B3GALT1: variants seen among roughly 807,000 people sequenced by gnomAD.
The protein encoded by B3GALT1 is beta-1,3-galactosyltransferase 1, also known as UDP-Gal:betaGlcNAc beta 1,3-galactosyltransferase, polypeptide 1.
B3GALT1 carries 10 observed loss-of-function variants against 23.2 expected under a neutral mutation model. The observed-to-expected ratio is 0.43, with a 90% CI of 0.27 to 0.73. B3GALT1 has a LOEUF of 0.73. B3GALT1 is among the 30% of genes least tolerant of loss of function. The probability of loss-of-function intolerance (pLI) is 0.21; values close to 1 mark genes in which losing one functional copy is unlikely to be tolerated. For missense variants in B3GALT1, 299 were observed against 405.4 expected, an observed-to-expected ratio of 0.74 and a Z score of 2.25; for synonymous variants, 156 against 141.5, an observed-to-expected ratio of 1.10 and a Z score of -0.73.
intron 2 of B3GALT1, among the ~76,000 whole-genome samples, chr2:167,581,711 C>A (rs937681757): frequency 2.6e-5 from 4 of 152,154 alleles, no homozygotes; most frequent in Non-Finnish European, 5.9e-5. Context: ...TCCATTAAAT[C>A]AGAACATTAA....
chr2:167,588,850 C>T (rs987986229), intron 2 of B3GALT1, among the ~76,000 whole-genome samples: 23 of 132,936 alleles, frequency 1.7e-4, no homozygotes, highest in African/African-American at 5.1e-4. Flanking sequence ...TCCTTCTTTC[C>T]TTCCTTCCTT....
At chr2:167,821,535 A>G (rs552306068) in intron 4 of B3GALT1, among the ~76,000 whole-genome samples, 60 of 150,560 alleles carry the variant, frequency 4.0e-4, no homozygotes, top group African/African-American at 1.4e-3. Flanking sequence ...CCTGGGTTCA[A>G]GTGATTCTCC....
chr2:167,436,435 T>A (rs1322448422), intron 1 of B3GALT1, among the ~76,000 whole-genome samples: 1 of 152,112 alleles, frequency 6.6e-6, no homozygotes, highest in Non-Finnish European at 1.5e-5. Context: ...TATTAAGGGG[T>A]CCTTCCTTAG....
chr2:167,569,574 T>G (rs1684253782), intron 2 of B3GALT1, among the ~76,000 whole-genome samples: 1 of 151,892 alleles, frequency 6.6e-6, no homozygotes, highest in Admixed American at 6.6e-5. Flanking sequence ...GTTGATTCTT[T>G]TGAATTTTCT....
chr2:167,695,532 A>C (rs912017383), intron 3 of B3GALT1, among the ~76,000 whole-genome samples: 1 of 152,176 alleles, frequency 6.6e-6, no homozygotes, highest in African/African-American at 2.4e-5. Context: ...AAATCGCTTC[A>C]TAACCTGACT....
At chr2:167,731,925 CT>C (rs1311435237) in intron 3 of B3GALT1, among the ~76,000 whole-genome samples, 1 of 152,202 alleles carries the variant, frequency 6.6e-6, no homozygotes, top group Non-Finnish European at 1.5e-5. Context: ...TTCCTCAACC[CT>C]TAGAACTTAT....
chr2:167,597,416 A>G (rs1684798955), intron 2 of B3GALT1, among the ~76,000 whole-genome samples: 1 of 152,048 alleles, frequency 6.6e-6, no homozygotes, highest in South Asian at 2.1e-4. Flanking sequence ...TGCCCAGCCC[A>G]TTGTCATGTT....
At chr2:167,638,065 T>A (rs978644180) in intron 2 of B3GALT1, among the ~76,000 whole-genome samples, 8 of 152,022 alleles carry the variant, frequency 5.3e-5, no homozygotes, top group African/African-American at 1.9e-4. Flanking sequence ...ATATAATACT[T>A]CTTTGGATAT....
chr2:167,800,135 G>A (rs1335104769), intron 3 of B3GALT1, among the ~76,000 whole-genome samples: 1 of 152,156 alleles, frequency 6.6e-6, no homozygotes, highest in Non-Finnish European at 1.5e-5. Flanking sequence ...AGTTCATGCT[G>A]GGTGAAAGAT....
intron 3 of B3GALT1, among the ~76,000 whole-genome samples, chr2:167,783,261 G>T (rs928905821): frequency 6.6e-6 from 1 of 152,048 alleles, no homozygotes; most frequent in Non-Finnish European, 1.5e-5. Flanking sequence ...AGAGTACACG[G>T]AGGGAAAAAA....
At chr2:167,611,320 A>T (rs1417794540) in intron 2 of B3GALT1, among the ~76,000 whole-genome samples, 1 of 152,008 alleles carries the variant, frequency 6.6e-6, no homozygotes, top group African/African-American at 2.4e-5. Context: ...ATTTTTAAAT[A>T]ACTGAGCTTT....
intron 3 of B3GALT1, among the ~76,000 whole-genome samples, chr2:167,718,089 G>T (rs1437563729): frequency 6.6e-6 from 1 of 152,164 alleles, no homozygotes; most frequent in Non-Finnish European, 1.5e-5. Flanking sequence ...AGAGCATTTT[G>T]ATTTGTTTGG....
chr2:167,792,617 G>C (rs530702818), intron 3 of B3GALT1, among the ~76,000 whole-genome samples: 2 of 152,122 alleles, frequency 1.3e-5, no homozygotes, highest in African/African-American at 4.8e-5. Flanking sequence ...CCAGATGGTA[G>C]AACACCTTGT....
At chr2:167,731,636 T>C (rs1053687251) in intron 3 of B3GALT1, among the ~76,000 whole-genome samples, 10 of 152,354 alleles carry the variant, frequency 6.6e-5, no homozygotes, top group African/African-American at 2.4e-4. Flanking sequence ...GATTATTTTC[T>C]AGGGCTATTT....
At position 167,873,891 on chromosome 2, in the gene B3GALT1, A is replaced by G. The variant is rs1191404234; in HGVS notation, c.*3871A>G. On this transcript the variant is annotated 3_prime_UTR_variant, in exon 5 of 5. Coordinates refer to ENST00000392690, the MANE Select transcript of B3GALT1 (RefSeq NM_020981.4). The stretch of plus-strand genomic sequence containing the variant: ...AAACTAAAAATGACAGACACTGAAG[A>G]TATCATTACACTTTCTTCACCTTCC... The G allele has an allele frequency of 6.6e-6, 1 of 152,194 alleles. No homozygotes were observed. Among genetic ancestry groups the G allele is most frequent in the Non-Finnish European group, 1.5e-5 (1 of 68,038 alleles). The allele number at this position is 152,194 out of a possible 1,614,324, so 9.4% of individuals were successfully genotyped here. A position where few individuals can be genotyped will look rare whatever the true frequency, so the allele number is the denominator to read the frequency against.
chr2:167,297,296 T>G (rs1468088927), intron 1 of B3GALT1, among the ~76,000 whole-genome samples: 1 of 152,024 alleles, frequency 6.6e-6, no homozygotes, highest in Non-Finnish European at 1.5e-5. Context: ...GAGTGAATTT[T>G]AGTAGTTAGG....
intron 3 of B3GALT1, among the ~76,000 whole-genome samples, chr2:167,788,765 G>T (rs1355517234): frequency 6.6e-6 from 1 of 152,148 alleles, no homozygotes; most frequent in East Asian, 1.9e-4. Flanking sequence ...ACTTGAAAAT[G>T]AGACCCTTCT....
intron 3 of B3GALT1, among the ~76,000 whole-genome samples, chr2:167,749,728 A>G (rs1398049621): frequency 6.6e-6 from 1 of 152,196 alleles, no homozygotes; most frequent in Admixed American, 6.5e-5. Flanking sequence ...AGTTTCTCCA[A>G]CAGCAGTTTC....
At chr2:167,604,089 CTAAAAATCT>C (rs1684921237) in intron 2 of B3GALT1, among the ~76,000 whole-genome samples, 1 of 152,014 alleles carries the variant, frequency 6.6e-6, no homozygotes, top group African/African-American at 2.4e-5. Context: ...ACTTTTTATA[CTAAAAATCT>C]TAAATTATTA....
Sources: gnomAD v4.1 joint callset for allele counts (sites outside exome capture counted in the v4.1 genomes callset) on GRCh38, gnomAD v4.1.1 for gene constraint, MANE v1.5 for transcripts, NCBI Gene and HGNC (gene_info 2026-07-23, HGNC 2026-07-21) for gene names.